The following FABP6 variants were observed in gnomAD, a reference collection of about 807,000 sequenced individuals.
FABP6 encodes the protein fatty acid binding protein 6.
A neutral mutation model predicts 14.9 loss-of-function variants in FABP6; 13 were observed. The observed-to-expected ratio is 0.87, with a 90% CI of 0.57 to 1.39. The LOEUF (loss-of-function observed/expected upper bound fraction) is 1.39. FABP6 is among the 40% of genes most tolerant of loss of function. FABP6 has a pLI of 0.00. For missense variants in FABP6, 161 were observed against 167.2 expected (o/e 0.96, Z 0.20); for synonymous variants, 75 against 63.6 (o/e 1.18, Z -0.85).
At chr5:160,231,800 C>G (rs949305746) in intron 1 of FABP6, among the ~76,000 whole-genome samples, 2 of 152,162 alleles carry the variant, frequency 1.3e-5, no homozygotes, top group African/African-American at 4.8e-5. Flanking sequence ...CCACCATGTG[C>G]CAGGAGCTTC....
chr5:160,225,097 T>G (rs1183711943), upstream of FABP6, among the ~76,000 whole-genome samples: 1 of 151,580 alleles, frequency 6.6e-6, no homozygotes, highest in Non-Finnish European at 1.5e-5. Flanking sequence ...ATAGCAGTTT[T>G]TTTTTTTTGT....
chr5:160,222,540 G>A (rs1165869770), intron 3 of FABP6, among the ~76,000 whole-genome samples: 1 of 152,052 alleles, frequency 6.6e-6, no homozygotes, highest in Non-Finnish European at 1.5e-5. Flanking sequence ...CGCCATGTTG[G>A]CCAGGCTGGT....
intron 2 of FABP6, among the ~76,000 whole-genome samples, chr5:160,204,062 A>G (rs1759704605): frequency 6.6e-6 from 1 of 150,850 alleles, no homozygotes; most frequent in South Asian, 2.1e-4. Flanking sequence ...AAGGACTTTT[A>G]GGCCAGGCAG....
chr5:160,197,599 C>G (rs1216266489), intron 1 of FABP6: 2 of 152,188 alleles, frequency 1.3e-5, no homozygotes, highest in Admixed American at 6.6e-5. Flanking sequence ...CTGTTGGCGC[C>G]GATCATTCTT....
At chr5:160,216,119 G>A (rs951923656) in intron 3 of FABP6, among the ~76,000 whole-genome samples, 2 of 152,170 alleles carry the variant, frequency 1.3e-5, no homozygotes, top group African/African-American at 4.8e-5. Flanking sequence ...GGGGAAAATT[G>A]ATGAGCTGCG....
upstream of FABP6, among the ~76,000 whole-genome samples, chr5:160,228,129 C>T (rs1482029178): frequency 6.6e-6 from 1 of 151,896 alleles, no homozygotes; most frequent in East Asian, 1.9e-4. Context: ...TGGTGGCTCA[C>T]GTCTGTAATC....
At chr5:160,209,588 C>G (rs564783583) in intron 2 of FABP6, among the ~76,000 whole-genome samples, 42 of 152,320 alleles carry the variant, frequency 2.8e-4, no homozygotes, top group Middle Eastern at 3.4e-3. Flanking sequence ...ATGTGATGCT[C>G]TGTACCGTCT....
rs576030627 is a variant in FABP6 at position 160,237,414 on chromosome 5, A to G, written c.334-1192A>G. On this transcript the variant is annotated intron_variant, in intron 3 of 3. Transcript: ENST00000402432. ...ACCCAGGCACGTGCACACATAAACA[A>G]AGTTGCATGACTAGGCCCCGAGAGG... Among the ~76,000 whole-genome samples, 4 of 152,002 alleles carry G rather than the reference A, an allele frequency of 2.6e-5. No homozygotes were observed. In the East Asian group the frequency reaches 7.7e-4, roughly 29 times the overall value.
At chr5:160,221,088 CAAAA>C (rs397884568) in intron 3 of FABP6, among the ~76,000 whole-genome samples, 1 of 72,752 alleles carries the variant, frequency 1.4e-5, no homozygotes. Context: ...GACTTTCTCT[CAAAA>C]AAAAAAAAAA....
intron 1 of FABP6, among the ~76,000 whole-genome samples, chr5:160,194,748 C>G (rs1196793383): frequency 2.0e-5 from 3 of 152,060 alleles, no homozygotes; most frequent in African/African-American, 7.2e-5. Flanking sequence ...CATGTCCCAC[C>G]TTGATGGCAG....
intron 3 of FABP6, among the ~76,000 whole-genome samples, chr5:160,216,499 C>T (rs1357816960): frequency 6.6e-6 from 1 of 152,030 alleles, no homozygotes; most frequent in East Asian, 1.9e-4. Context: ...AACTCCTGAC[C>T]TCGGATGATC....
chr5:160,193,232 CT>C (rs1289986976), intron 1 of FABP6, among the ~76,000 whole-genome samples: 1 of 151,872 alleles, frequency 6.6e-6, no homozygotes, highest in Non-Finnish European at 1.5e-5. Context: ...AAACTGCAGA[CT>C]TTCGCGGTGA....
At chr5:160,190,346 C>T (rs1322064192) in intron 1 of FABP6, among the ~76,000 whole-genome samples, 1 of 152,140 alleles carries the variant, frequency 6.6e-6, no homozygotes, top group African/African-American at 2.4e-5. Context: ...GATTCTCCTC[C>T]CTTAGCCTCC....
intron 1 of FABP6, among the ~76,000 whole-genome samples, chr5:160,230,652 G>A (rs1363702307): frequency 2.6e-5 from 4 of 152,060 alleles, no homozygotes; most frequent in African/African-American, 9.7e-5. Flanking sequence ...GTGAGCCACC[G>A]AGCCCAGCCC....
At chr5:160,230,038 T>TG (rs1258656073) in intron 1 of FABP6, among the ~76,000 whole-genome samples, 2 of 34,506 alleles carry the variant, frequency 5.8e-5, no homozygotes, top group African/African-American at 1.8e-4. Context: ...CACGCCCGGC[T>TG]AATTTTTTTT....
Position 160,234,853 on chromosome 5 carries a change from G to A in FABP6, c.277G>A (p.Val93Met), listed in dbSNP as rs1760472303. The change falls in exon 3 of 4, where the codon GTG (valine) becomes ATG (methionine). Residue 93 changes from valine (V) to methionine (M), a missense_variant. By Grantham distance (21) the Val-to-Met change is conservative (BLOSUM62 1). Transcript: ENST00000402432. Reference protein sequence around the residue: ...TVQMEGGKLVVNFPNYHQTSE... With the variant: ...TVQMEGGKLVMNFPNYHQTSE... ...GCAGATGGAGGGCGGGAAGCTGGTG[G>A]TGAATTTCCCCAACTATCACCAGAC... is the stretch of plus-strand genomic sequence containing the variant. 1 of 1,611,324 alleles carries A rather than the reference G, an allele frequency of 6.2e-7. No homozygotes were observed. Among genetic ancestry groups the A allele is most frequent in the Non-Finnish European group, 8.5e-7 (1 of 1,178,690 alleles).
chr5:160,223,445 C>T (rs546588246), intron 3 of FABP6, among the ~76,000 whole-genome samples: 1 of 137,482 alleles, frequency 7.3e-6, no homozygotes, highest in Non-Finnish European at 1.6e-5. Flanking sequence ...TTTTTTTTGA[C>T]AAATTCTCGC....
chr5:160,225,020 T>TC (rs1445945786), upstream of FABP6, among the ~76,000 whole-genome samples: 8 of 148,968 alleles, frequency 5.4e-5, no homozygotes. Context: ...CCTCAAGTGA[T>TC]CCGCCGGCCT....
At chr5:160,209,036 A>G (rs1204611061) in intron 2 of FABP6, among the ~76,000 whole-genome samples, 2 of 150,620 alleles carry the variant, frequency 1.3e-5, no homozygotes, top group East Asian at 4.0e-4. Context: ...TCGGCCTCCC[A>G]GAGTACTGCG....
Sources: gnomAD v4.1 joint callset for allele counts (sites outside exome capture counted in the v4.1 genomes callset) on GRCh38, gnomAD v4.1.1 for gene constraint, MANE v1.5 for transcripts, NCBI Gene and HGNC (gene_info 2026-07-23, HGNC 2026-07-21) for gene names.